The following SLC24A2 variants were observed in gnomAD, a reference collection of about 807,000 sequenced individuals.
SLC24A2 encodes the protein solute carrier family 24 member 2.
In SLC24A2, 36 loss-of-function variants were observed where a neutral mutation model predicts 62.0. That is an observed-to-expected ratio of 0.58 (90% confidence interval 0.44 to 0.77). The LOEUF (loss-of-function observed/expected upper bound fraction) is 0.77. SLC24A2 is among the 30% of genes least tolerant of loss of function. The pLI is 0.00. For missense variants in SLC24A2, 846 were observed against 817.9 expected, an observed-to-expected ratio of 1.03 and a Z score of -0.42; for synonymous variants, 358 against 294.0, an observed-to-expected ratio of 1.22 and a Z score of -2.23.
chr9:19,972,508 A>T, the SLC24A2 span, among the ~76,000 whole-genome samples: 1 of 152,184 alleles, frequency 6.6e-6, no homozygotes, highest in Non-Finnish European at 1.5e-5. Context: ...TTTTATCCTT[A>T]AAGATCAGTG....
At position 19,622,636 on chromosome 9, in the gene SLC24A2, A is replaced by G. The variant is rs780045518; in HGVS notation, c.931-337T>C. On this transcript the variant is annotated intron_variant, in intron 2 of 10. Coordinates refer to ENST00000341998, the MANE Select transcript of SLC24A2 (RefSeq NM_020344.4). ...TGAATGAGGTAATTCACATGTTCTG[A>G]CATGGAAAATATCTATTGATAACTG... 1.9e-4 allele frequency among the ~76,000 whole-genome samples: 29 copies of G among 152,346 alleles called. No homozygotes were observed. In the Middle Eastern group the frequency reaches 0.014, roughly 71 times the overall value.
chr9:20,233,827 G>A, the SLC24A2 span, among the ~76,000 whole-genome samples: 6 of 152,166 alleles, frequency 3.9e-5, no homozygotes, highest in African/African-American at 1.4e-4. Context: ...AGCCTTGATG[G>A]TCTTTACAAT....
At chr9:19,989,119 TTAA>T in the SLC24A2 span, among the ~76,000 whole-genome samples, 2 of 152,160 alleles carry the variant, frequency 1.3e-5, no homozygotes, top group South Asian at 2.1e-4. Flanking sequence ...ATCATAGATG[TTAA>T]TAATAAATAT....
chr9:19,751,080 T>C (rs1821968504), intron 2 of SLC24A2, among the ~76,000 whole-genome samples: 1 of 152,220 alleles, frequency 6.6e-6, no homozygotes, highest in Non-Finnish European at 1.5e-5. Flanking sequence ...AACATGTTTG[T>C]CTTCCTCGTA....
At chr9:20,176,949 T>C in the SLC24A2 span, among the ~76,000 whole-genome samples, 1 of 152,082 alleles carries the variant, frequency 6.6e-6, no homozygotes, top group African/African-American at 2.4e-5. Context: ...TTCCTTACTA[T>C]CCATTGTTCC....
chr9:19,561,787 T>C (rs1586963576), intron 7 of SLC24A2, among the ~76,000 whole-genome samples: 1 of 64,138 alleles, frequency 1.6e-5, no homozygotes, highest in African/African-American at 3.5e-5. Flanking sequence ...GAAAATAGTA[T>C]ACTCCCTTTA....
chr9:19,578,004 G>A (rs1035390666), intron 5 of SLC24A2, among the ~76,000 whole-genome samples: 7 of 151,714 alleles, frequency 4.6e-5, no homozygotes, highest in African/African-American at 1.5e-4. Context: ...ATCAAACATC[G>A]TGTGTTCTCA....
the SLC24A2 span, among the ~76,000 whole-genome samples, chr9:20,045,831 C>T: frequency 0.035 from 5,355 of 152,166 alleles, 105 homozygotes; most frequent in South Asian, 0.07. Flanking sequence ...TATGAGTGTG[C>T]CTAATCATAC....
chr9:19,826,679 G>A, the SLC24A2 span, among the ~76,000 whole-genome samples: 4 of 152,140 alleles, frequency 2.6e-5, no homozygotes, highest in African/African-American at 9.7e-5. Context: ...ATCCCCTCAA[G>A]CCTTTTAATA....
chr9:20,098,956 C>T, the SLC24A2 span, among the ~76,000 whole-genome samples: 1 of 152,124 alleles, frequency 6.6e-6, no homozygotes, highest in Non-Finnish European at 1.5e-5. Context: ...TTAGGATATA[C>T]ACAACTTACT....
the SLC24A2 span, among the ~76,000 whole-genome samples, chr9:20,149,288 G>A: frequency 6.6e-6 from 1 of 151,986 alleles, no homozygotes; most frequent in African/African-American, 2.4e-5. Flanking sequence ...TTCCATCTAT[G>A]GCTCAGGCAC....
the SLC24A2 span, among the ~76,000 whole-genome samples, chr9:20,036,421 G>GAA: frequency 2.6e-5 from 4 of 151,606 alleles, no homozygotes; most frequent in East Asian, 3.9e-4. Flanking sequence ...ATAGAACTTA[G>GAA]AAAAAAAATC....
chr9:19,896,283 G>A, the SLC24A2 span, among the ~76,000 whole-genome samples: 1 of 152,220 alleles, frequency 6.6e-6, no homozygotes, highest in Non-Finnish European at 1.5e-5. Flanking sequence ...GTTGAAAAGA[G>A]CCAATGTTTT....
chr9:19,521,881 T>C lies in SLC24A2; in HGVS notation c.1570-821A>G, dbSNP rs1232356213. On this transcript the variant is annotated intron_variant, in intron 9 of 10. Coordinates refer to ENST00000341998, the MANE Select transcript of SLC24A2 (RefSeq NM_020344.4). ...CTTTTTTTCTTTTTTTTTCTTTTTT[T>C]TTTTTTGGTCTTTTTCTTTGCCTTT... Among the ~76,000 whole-genome samples the C allele has an allele frequency of 9.2e-5, 14 of 152,112 alleles. No homozygotes were observed. The East Asian group carries it at 2.1e-3, about 23-fold the overall frequency.
chr9:20,284,011 A>G, the SLC24A2 span, among the ~76,000 whole-genome samples: 1 of 152,148 alleles, frequency 6.6e-6, no homozygotes, highest in African/African-American at 2.4e-5. Flanking sequence ...TCTACATTCA[A>G]TGAACATTTT....
At chr9:19,706,540 C>T (rs200055994) in intron 2 of SLC24A2, among the ~76,000 whole-genome samples, 63 of 152,034 alleles carry the variant, frequency 4.1e-4, no homozygotes, top group Non-Finnish European at 7.9e-4. Context: ...CCACCATGCC[C>T]GGCTAATTTT....
chr9:19,760,648 A>C (rs1188011527), intron 2 of SLC24A2, among the ~76,000 whole-genome samples: 1 of 151,938 alleles, frequency 6.6e-6, no homozygotes, highest in Non-Finnish European at 1.5e-5. Flanking sequence ...TAGTTTGCTG[A>C]AAATGATGGT....
the SLC24A2 span, among the ~76,000 whole-genome samples, chr9:20,023,127 G>T: frequency 6.6e-6 from 1 of 152,146 alleles, no homozygotes; most frequent in Admixed American, 6.5e-5. Context: ...AAAAAGCCAC[G>T]ACAGACTGAC....
At chr9:20,298,608 T>C in the SLC24A2 span, among the ~76,000 whole-genome samples, 1 of 152,256 alleles carries the variant, frequency 6.6e-6, no homozygotes, top group Non-Finnish European at 1.5e-5. Context: ...ATATACAATG[T>C]TCTATCTCAA....
Sources: gnomAD v4.1 joint callset for allele counts (sites outside exome capture counted in the v4.1 genomes callset) on GRCh38, gnomAD v4.1.1 for gene constraint, MANE v1.5 for transcripts, NCBI Gene and HGNC (gene_info 2026-07-23, HGNC 2026-07-21) for gene names.